Variants in SPTY2D1 observed in about 807,000 individuals in gnomAD.
SPTY2D1 encodes the protein protein SPT2 homolog.
SPTY2D1 carries 21 observed loss-of-function variants against 64.0 expected under a neutral mutation model. That is an observed-to-expected ratio of 0.33 (90% CI 0.23 to 0.47). SPTY2D1 has a LOEUF of 0.47. SPTY2D1 is among the 20% of genes least tolerant of loss of function. SPTY2D1 has a pLI of 1.00. For missense variants in SPTY2D1, 724 were observed against 837.2 expected, an observed-to-expected ratio of 0.86 and a Z score of 1.67; for synonymous variants, 287 against 286.8, an observed-to-expected ratio of 1.00 and a Z score of -0.01.
chr11:18,611,036 T>C (rs1031620078), intron 5 of SPTY2D1, among the ~76,000 whole-genome samples: 3 of 152,216 alleles, frequency 2.0e-5, no homozygotes, highest in Non-Finnish European at 4.4e-5. Context: ...GGCTCACACC[T>C]ATAATCCCAA....
chr11:18,631,815 G>C (rs1854593471), intron 1 of SPTY2D1, among the ~76,000 whole-genome samples: 1 of 152,126 alleles, frequency 6.6e-6, no homozygotes, highest in South Asian at 2.1e-4. Context: ...AAAGTAAATA[G>C]AACAGTTAGA....
In SPTY2D1 at chr11:18,609,610, G is replaced by A; in HGVS notation, c.*251C>T. 2.0e-6 allele frequency: 1 copy of A among 487,870 alleles called. No homozygotes were observed. Among genetic ancestry groups the A allele is most frequent in the South Asian group, 2.7e-5 (1 of 37,028 alleles). 30.2% of individuals were successfully genotyped at this position (487,870 alleles called of 1,614,324 possible). A position where few individuals can be genotyped will look rare whatever the true frequency, so the allele number is the denominator to read the frequency against. On this transcript the variant is annotated 3_prime_UTR_variant, in exon 6 of 6. Transcript: ENST00000336349. The stretch of plus-strand genomic sequence containing the variant: ...GAGTGCATAGCTCATCAGGATCAAG[G>A]CTGGCATCTGTGAACAGTTAACTTC...
chr11:18,612,010 T>C lies in SPTY2D1; in HGVS notation c.1886+304A>G, dbSNP rs1437532619. 2.0e-5 allele frequency among the ~76,000 whole-genome samples: 3 copies of C among 152,308 alleles called. No individual in the cohort carries two copies. In the East Asian group the frequency reaches 5.8e-4, roughly 29 times the overall value. ...TGACCAAGAACATACAGCTTGTTTT[T>C]TCAAGAGCCAATCTACTTCTACTAC... On this transcript the variant is annotated intron_variant, in intron 4 of 5. Transcript: ENST00000336349. This position sits in a 1 kb window ranked among gnomAD's most constrained non-coding sequence, Gnocchi z 4.6.
chr11:18,625,923 C>T (rs1479364574), intron 1 of SPTY2D1, among the ~76,000 whole-genome samples: 1 of 151,088 alleles, frequency 6.6e-6, no homozygotes, highest in Non-Finnish European at 1.5e-5. Flanking sequence ...TCAAGCAATT[C>T]TCCTGCCTCA....
intron 1 of SPTY2D1, among the ~76,000 whole-genome samples, chr11:18,620,455 G>C (rs1854375824): frequency 6.6e-6 from 1 of 151,940 alleles, no homozygotes; most frequent in African/African-American, 2.4e-5. Flanking sequence ...TTCCAGCCTG[G>C]GCAACAGAGT....
In SPTY2D1 at chr11:18,606,538, A is replaced by C. The variant is rs1156264670; in HGVS notation, c.*3323T>G. On this transcript the variant is annotated 3_prime_UTR_variant, in exon 6 of 6. Transcript: ENST00000336349. ...GCTAAGCTATCTAAAAATTTTTTTA[A>C]CTTGATTTGTCCATTGTGTAAAAGA... 4.9e-6 allele frequency: 1 copy of C among 203,096 alleles called. No homozygotes were observed. The highest frequency in any genetic ancestry group is 1.0e-5 in the Non-Finnish European group (1 of 99,666). 12.6% of individuals were successfully genotyped at this position (203,096 alleles called of 1,614,324 possible). A position where few individuals can be genotyped will look rare whatever the true frequency, so the allele number is the denominator to read the frequency against.
rs1854122995 is a variant in SPTY2D1, at chr11:18,607,177, G to A, written c.*2684C>T. 1.2e-5 allele frequency: 2 copies of A among 163,660 alleles called. No homozygotes were observed. The highest frequency in any genetic ancestry group is 3.2e-4 in the South Asian group (2 of 6,200). 10.1% of individuals were successfully genotyped at this position (163,660 alleles called of 1,614,324 possible). ...CATGCCCGGCCAGACTTACTTTTTT[G>A]TTAACGGTCTTTGAACCTTTTCACG... On this transcript the variant is annotated 3_prime_UTR_variant, in exon 6 of 6. Coordinates refer to ENST00000336349, the MANE Select transcript of SPTY2D1 (RefSeq NM_194285.3).
intron 1 of SPTY2D1, 58 bp from the exon 2 acceptor site, chr11:18,617,047 G>T (rs1319008780): frequency 7.0e-6 from 10 of 1,430,952 alleles, no homozygotes; most frequent in Non-Finnish European, 9.8e-6. Flanking sequence ...ACATTATTAG[G>T]TATAAGGCAC....
intron 1 of SPTY2D1, among the ~76,000 whole-genome samples, chr11:18,628,097 C>T (rs1854528594): frequency 6.6e-6 from 1 of 152,132 alleles, no homozygotes; most frequent in African/African-American, 2.4e-5. Flanking sequence ...ACTATTACAC[C>T]CTTAATGTGG....
intron 1 of SPTY2D1, 128 bp from the exon 2 acceptor site, chr11:18,617,117 G>T: frequency 1.4e-6 from 1 of 693,802 alleles, no homozygotes; most frequent in South Asian, 2.0e-5. Context: ...ATAATTGAGA[G>T]ATCATATAAC....
chr11:18,611,822 AACTC>A (rs1275822318), intron 4 of SPTY2D1, among the ~76,000 whole-genome samples: 5 of 152,208 alleles, frequency 3.3e-5, no homozygotes, highest in African/African-American at 1.2e-4. Context: ...GTGCTTCCTC[AACTC>A]ACTCACCTAC....
At chr11:18,631,736 G>C (rs2134119867) in intron 1 of SPTY2D1, among the ~76,000 whole-genome samples, 1 of 152,122 alleles carries the variant, frequency 6.6e-6, no homozygotes, top group South Asian at 2.1e-4. Flanking sequence ...ACGGGGTTTG[G>C]GTATATTAGA....
rs1854125535 is a variant in SPTY2D1 at position 18,607,338 on chromosome 11, T to A, written c.*2523A>T. Reference sequence around the variant, plus strand: ...TGCCCTTTGCTTTGACATAGCAATATCAAAAGCAAGTGGGACTGTGCAATC... The same window carrying A: ...TGCCCTTTGCTTTGACATAGCAATAACAAAAGCAAGTGGGACTGTGCAATC... On this transcript the variant is annotated 3_prime_UTR_variant, in exon 6 of 6. Transcript: ENST00000336349. 6.5e-6 allele frequency: 1 copy of A among 152,764 alleles called. No homozygotes were observed. The highest frequency in any genetic ancestry group is 2.4e-5 in the African/African-American group (1 of 41,462). 9.5% of individuals were successfully genotyped at this position (152,764 alleles called of 1,614,324 possible). A position where few individuals can be genotyped will look rare whatever the true frequency, so the allele number is the denominator to read the frequency against.
At chr11:18,617,519 A>G (rs1035409311) in intron 1 of SPTY2D1, among the ~76,000 whole-genome samples, 12 of 148,496 alleles carry the variant, frequency 8.1e-5, no homozygotes, top group Non-Finnish European at 1.5e-4. Context: ...CCAGCTACTC[A>G]GGAGGCTGAG....
intron 1 of SPTY2D1, among the ~76,000 whole-genome samples, chr11:18,627,015 A>C (rs1312532139): frequency 6.6e-6 from 1 of 152,166 alleles, no homozygotes; most frequent in Non-Finnish European, 1.5e-5. Context: ...GAGGAGGTTG[A>C]CTTTGGAGAC....
chr11:18,618,103 T>C (rs967850628), intron 1 of SPTY2D1, among the ~76,000 whole-genome samples: 1 of 152,226 alleles, frequency 6.6e-6, no homozygotes, highest in Non-Finnish European at 1.5e-5. Context: ...CTCCAGATGA[T>C]TTCCTAGTAG....
Position 18,614,630 on chromosome 11 carries a change from A to G in SPTY2D1, c.1644T>C (p.Ile548=). Residue 548 remains isoleucine (I), a synonymous_variant, in exon 3 of 6, where the codon ATT becomes ATC. Transcript: ENST00000336349. ...VSETISSKNI[I]SRSSNGQMNG... is the part of the protein sequence containing the mutation. ...TCATCTGTCCATTGCTGGACCGGCT[A>G]ATGATATTCTTGGAAGAAATTGTTT... 1 of 1,614,256 alleles carries G rather than the reference A, an allele frequency of 6.2e-7. No homozygotes were observed. The highest frequency in any genetic ancestry group is 2.2e-5 in the East Asian group (1 of 44,884).
chr11:18,634,153 T>C (rs754215394), intron 1 of SPTY2D1, 45 bp downstream of exon 1: 31 of 1,610,916 alleles, frequency 1.9e-5, no homozygotes, highest in Admixed American at 3.3e-5. Flanking sequence ...ATTCCGAACT[T>C]GGAAGACTAG....
chr11:18,630,204 T>C (rs1411432309), intron 1 of SPTY2D1, among the ~76,000 whole-genome samples: 1 of 145,284 alleles, frequency 6.9e-6, no homozygotes. Context: ...TGGCCGGGCA[T>C]GGTGGCTCAT....
Sources: gnomAD v4.1 joint callset for allele counts (sites outside exome capture counted in the v4.1 genomes callset) on GRCh38, gnomAD v4.1.1 for gene constraint, Gnocchi (gnomAD v3.1) non-coding constraint, MANE v1.5 for transcripts, NCBI Gene and HGNC (gene_info 2026-07-23, HGNC 2026-07-21) for gene names.